DGKI: variants seen among roughly 807,000 people sequenced by gnomAD.
DGKI encodes the protein diacylglycerol kinase iota, also known as DAG kinase iota.
A neutral mutation model predicts 147.5 loss-of-function variants in DGKI; 55 were observed. That is an observed-to-expected ratio of 0.37 (90% CI 0.30 to 0.47). The LOEUF is 0.47. Among genes scored for constraint, DGKI ranks in the 20% least tolerant of loss-of-function variants. The pLI is 1.00. For synonymous variants in DGKI, 469 were observed against 477.1 expected, an observed-to-expected ratio of 0.98 and a Z score of 0.22; for missense variants, 1,007 against 1,323.8, an observed-to-expected ratio of 0.76 and a Z score of 3.71.
rs557898943 is a variant in DGKI at position 137,521,802 on chromosome 7, A to C, written c.2248+64T>G. ...GATAAATGAATCTACCCATCAAACC[A>C]AGGAGGATCAAGAAGCTGAAGATAG... On this transcript the variant is annotated intron_variant, in intron 21 of 32. Transcript: ENST00000614521. 9.1e-6 allele frequency: 11 copies of C among 1,208,612 alleles called. No individual in the cohort carries two copies. In the Admixed American group the frequency reaches 1.9e-4, roughly 21 times the overall value. 74.9% of individuals were successfully genotyped at this position (1,208,612 alleles called of 1,614,324 possible). A position where few individuals can be genotyped will look rare whatever the true frequency, so the allele number is the denominator to read the frequency against.
At chr7:137,533,875 A>G (rs958700632) in intron 20 of DGKI, among the ~76,000 whole-genome samples, 3 of 152,146 alleles carry the variant, frequency 2.0e-5, no homozygotes, top group African/African-American at 7.2e-5. Flanking sequence ...TACCTGAGCT[A>G]TAACTTTGGA....
intron 20 of DGKI, among the ~76,000 whole-genome samples, chr7:137,531,232 A>C (rs1260325732): frequency 6.6e-6 from 1 of 152,218 alleles, no homozygotes; most frequent in Non-Finnish European, 1.5e-5. Flanking sequence ...AGATGAAGAA[A>C]AATTAAGAAC....
At chr7:137,633,915 T>C (rs1169574629) in intron 6 of DGKI, among the ~76,000 whole-genome samples, 1 of 152,232 alleles carries the variant, frequency 6.6e-6, no homozygotes, top group African/African-American at 2.4e-5. Context: ...GAACATCATT[T>C]GGTCCACCAT....
intron 31 of DGKI, 38 bp from the exon 32 acceptor site, chr7:137,395,735 G>T (rs375633360): frequency 2.5e-6 from 4 of 1,594,974 alleles, no homozygotes; most frequent in Non-Finnish European, 3.4e-6. Flanking sequence ...CCCATAAAGG[G>T]GTTGGAGGCA....
At chr7:137,454,368 G>A (rs1054582494) in intron 27 of DGKI, among the ~76,000 whole-genome samples, 3 of 152,040 alleles carry the variant, frequency 2.0e-5, no homozygotes, top group African/African-American at 7.3e-5. Flanking sequence ...AATGTCTTTC[G>A]AGTATAAAAT....
chr7:137,601,754 G>C (rs1819999165), intron 10 of DGKI, among the ~76,000 whole-genome samples: 1 of 152,128 alleles, frequency 6.6e-6, no homozygotes, highest in Non-Finnish European at 1.5e-5. Flanking sequence ...AATTACACTT[G>C]AGAATGTGAG....
At chr7:137,815,093 T>C (rs1797701009) in intron 1 of DGKI, among the ~76,000 whole-genome samples, 1 of 152,216 alleles carries the variant, frequency 6.6e-6, no homozygotes, top group South Asian at 2.1e-4. Context: ...ATATTGACCT[T>C]TGGCTCATAA....
chr7:137,722,141 G>C (rs1794576463), intron 1 of DGKI: 1 of 1,599,176 alleles, frequency 6.3e-7, no homozygotes. Context: ...GTCATTGTCA[G>C]AGGAATTGGC....
At chr7:137,833,948 A>T (rs1389964367) in intron 1 of DGKI, among the ~76,000 whole-genome samples, 1 of 152,222 alleles carries the variant, frequency 6.6e-6, no homozygotes, top group African/African-American at 2.4e-5. Context: ...TGCACTAGAC[A>T]GGGGGTTCTG....
intron 1 of DGKI, among the ~76,000 whole-genome samples, chr7:137,744,183 C>T (rs1795260354): frequency 6.6e-6 from 1 of 151,894 alleles, no homozygotes; most frequent in Non-Finnish European, 1.5e-5. Flanking sequence ...TCCAAATAAG[C>T]ACAATCAGAA....
chr7:137,507,838 G>A (rs958448289), intron 21 of DGKI, among the ~76,000 whole-genome samples: 3 of 152,106 alleles, frequency 2.0e-5, no homozygotes, highest in Non-Finnish European at 4.4e-5. Flanking sequence ...CACGTGTTTA[G>A]AATCCAGAAG....
At position 137,536,676 on chromosome 7, in the gene DGKI, T is replaced by C. The variant is rs146356063; in HGVS notation, c.2148-14710A>G. 7.0e-3 allele frequency among the ~76,000 whole-genome samples: 1,059 copies of C among 152,320 alleles called. 13 individuals carry two copies. Among genetic ancestry groups the C allele is most frequent in the Non-Finnish European group, 0.012 (806 of 68,022 alleles). On this transcript the variant is annotated intron_variant, in intron 20 of 32. Coordinates refer to ENST00000614521, the MANE Select transcript of DGKI (RefSeq NM_001321708.2). ...GAAAAACTGAAATGCAAAAGGTTAA[T>C]ACATGGCTGATGTTACACAGACAAA...
intron 13 of DGKI, among the ~76,000 whole-genome samples, chr7:137,586,830 T>G (rs1048158227): frequency 6.6e-6 from 1 of 152,208 alleles, no homozygotes; most frequent in Non-Finnish European, 1.5e-5. Flanking sequence ...CCACTGTCTT[T>G]TAGTGGATAC....
chr7:137,724,097 A>T (rs1310026989), intron 1 of DGKI, among the ~76,000 whole-genome samples: 2 of 152,142 alleles, frequency 1.3e-5, no homozygotes, highest in Non-Finnish European at 2.9e-5. Flanking sequence ...AGTCAATTGA[A>T]TATTTGGTAG....
intron 20 of DGKI, among the ~76,000 whole-genome samples, chr7:137,546,404 G>A (rs1029536738): frequency 1.1e-4 from 17 of 152,130 alleles, no homozygotes; most frequent in African/African-American, 4.1e-4. Flanking sequence ...TCATCACACA[G>A]CCATCAGGTT....
At chr7:137,491,764 T>A (rs1815771475) in intron 21 of DGKI, among the ~76,000 whole-genome samples, 1 of 152,120 alleles carries the variant, frequency 6.6e-6, no homozygotes, top group Non-Finnish European at 1.5e-5. Flanking sequence ...ACAGACCACA[T>A]CCCCAAACTT....
intron 27 of DGKI, among the ~76,000 whole-genome samples, chr7:137,461,993 T>A (rs755243770): frequency 1.3e-5 from 2 of 152,138 alleles, no homozygotes; most frequent in Non-Finnish European, 2.9e-5. Context: ...CTATCTTATA[T>A]ACAATTATTT....
At chr7:137,510,669 GCTGT>G (rs1197245446) in intron 21 of DGKI, among the ~76,000 whole-genome samples, 2 of 152,166 alleles carry the variant, frequency 1.3e-5, no homozygotes, top group African/African-American at 4.8e-5. Flanking sequence ...TCTACATCAT[GCTGT>G]CTGTTACACT....
chr7:137,542,551 C>T (rs1817738020), intron 20 of DGKI, among the ~76,000 whole-genome samples: 1 of 152,104 alleles, frequency 6.6e-6, no homozygotes. Flanking sequence ...ATATAGCATT[C>T]CTGAAAACAC....
Sources: allele counts gnomAD v4.1 joint callset (sites outside exome capture counted in the v4.1 genomes callset), GRCh38; gene constraint gnomAD v4.1.1; transcripts MANE v1.5; gene names NCBI Gene and HGNC (gene_info 2026-07-23, HGNC 2026-07-21).